Variants in ZNF461 observed in about 807,000 individuals in gnomAD.
The protein encoded by ZNF461 is zinc finger protein 461, also known as gonadotropin-inducible ovarian transcription factor-1.
In ZNF461, 16 loss-of-function variants were observed where a neutral mutation model predicts 18.3. The ratio of observed to expected loss-of-function variants is 0.88; its 90% CI spans 0.59 to 1.33. The LOEUF is 1.33. ZNF461 is among the 40% of genes most tolerant of loss of function. The pLI is 0.00. For synonymous variants in ZNF461, 179 were observed against 216.9 expected (o/e 0.83, Z 1.54); for missense variants, 595 against 669.9 (o/e 0.89, Z 1.23).
At chr19:36,640,076 T>C in intron 5 of ZNF461, 33 bp from the exon 6 acceptor site, 5 of 1,527,064 alleles carry the variant, frequency 3.3e-6, no homozygotes, top group Non-Finnish European at 4.4e-6. Context: ...TAACTCCTGG[T>C]TTTGTACTAT....
chr19:36,645,877 C>T (rs573249833), intron 4 of ZNF461, among the ~76,000 whole-genome samples: 179 of 152,272 alleles, frequency 1.2e-3, no homozygotes, highest in Non-Finnish European at 2.2e-3. Context: ...CTCCACCACC[C>T]GGGTTCAAGC....
At chr19:36,641,772 T>TC (rs1448039945) in intron 5 of ZNF461, among the ~76,000 whole-genome samples, 1 of 152,040 alleles carries the variant, frequency 6.6e-6, no homozygotes, top group Non-Finnish European at 1.5e-5. Context: ...TGAACATCTC[T>TC]CCATGCTTCT....
intron 4 of ZNF461, 85 bp downstream of exon 4, chr19:36,656,363 G>C (rs1345218396): frequency 1.8e-6 from 2 of 1,085,398 alleles, no homozygotes; most frequent in East Asian, 4.7e-5. Context: ...TTTTCCCAAA[G>C]TTTGGTTTAA....
chr19:36,640,394 G>C (rs2037403669), intron 5 of ZNF461, among the ~76,000 whole-genome samples: 1 of 152,146 alleles, frequency 6.6e-6, no homozygotes, highest in Admixed American at 6.6e-5. Flanking sequence ...ACACTATCAG[G>C]CCAAAGGTTT....
At chr19:36,655,097 C>T (rs1386649311) in intron 4 of ZNF461, among the ~76,000 whole-genome samples, 1 of 152,162 alleles carries the variant, frequency 6.6e-6, no homozygotes, top group East Asian at 1.9e-4. Flanking sequence ...CAAGTGATCT[C>T]CCACCTCAGT....
In ZNF461 at chr19:36,637,801, C is replaced by A. The variant is rs192689429; in HGVS notation, c.*852G>T. ...ATTTATGAAATTTACATGAAATATT[C>A]CCGTTAGAATAAAAGGAAACTGATA... On this transcript the variant is annotated 3_prime_UTR_variant, in exon 6 of 6. Transcript: ENST00000588268. 4.7e-6 allele frequency: 2 copies of A among 426,686 alleles called. No homozygotes were observed. The highest frequency in any genetic ancestry group is 5.3e-5 in the Admixed American group (2 of 37,500). The allele number at this position is 426,686 out of a possible 1,614,324, so 26.4% of individuals were successfully genotyped here.
chr19:36,659,639 C>A (rs568494500), intron 2 of ZNF461, among the ~76,000 whole-genome samples: 3 of 152,172 alleles, frequency 2.0e-5, no homozygotes, highest in Non-Finnish European at 4.4e-5. Flanking sequence ...TGAACAAAAT[C>A]TCTACGGTAT....
At chr19:36,648,082 G>A (rs2037559872) in intron 4 of ZNF461, among the ~76,000 whole-genome samples, 1 of 152,148 alleles carries the variant, frequency 6.6e-6, no homozygotes, top group Non-Finnish European at 1.5e-5. Context: ...TCGGGAGGCT[G>A]AGGCAGGAGA....
chr19:36,664,679 C>A lies in ZNF461; in HGVS notation c.9+19G>T. ...AAAAATCAAGTATTGTAATTAGGAG[C>A]AAGAAAAAACCAACTTACATGGGCC... On this transcript the variant is annotated intron_variant, in intron 2 of 5. Coordinates refer to ENST00000588268, the MANE Select transcript of ZNF461 (RefSeq NM_153257.5). 6.6e-7 allele frequency: 1 copy of A among 1,511,498 alleles called. No individual in the cohort carries two copies. Among genetic ancestry groups the A allele is most frequent in the South Asian group, 1.3e-5 (1 of 74,466 alleles). The allele number at this position is 1,511,498 out of a possible 1,614,324, so 93.6% of individuals were successfully genotyped here.
chr19:36,652,133 A>G (rs2037637435), intron 4 of ZNF461, among the ~76,000 whole-genome samples: 1 of 152,192 alleles, frequency 6.6e-6, no homozygotes, highest in Admixed American at 6.5e-5. Context: ...ACCTTGATCT[A>G]AATTTCACAA....
intron 5 of ZNF461, among the ~76,000 whole-genome samples, chr19:36,641,541 T>A (rs889766260): frequency 2.1e-5 from 3 of 142,664 alleles, no homozygotes; most frequent in South Asian, 2.2e-4. Context: ...AACAACAAAA[T>A]ATATATATAT....
Position 36,658,329 on chromosome 19 carries a change from A to G in ZNF461, c.106T>C (p.Leu36=), listed in dbSNP as rs778206903. 1 of 1,610,402 alleles carries G rather than the reference A, an allele frequency of 6.2e-7. No individual in the cohort carries two copies. The highest frequency in any genetic ancestry group is 2.2e-5 in the East Asian group (1 of 44,790). ...AQRNLYKEVM[L]ENYSNLVSLG... The stretch of plus-strand genomic sequence containing the variant: ...GACACCAAGTTGCTATAATTCTCCA[A>G]CATCACCTCCTTGTACAAATTCCTC... Residue 36 remains leucine, a synonymous_variant, in exon 3 of 6, where the codon TTG becomes CTG. Transcript: ENST00000588268.
chr19:36,652,781 G>T (rs981505365), intron 4 of ZNF461, among the ~76,000 whole-genome samples: 1 of 152,046 alleles, frequency 6.6e-6, no homozygotes, highest in Non-Finnish European at 1.5e-5. Context: ...CGCTCTTCAC[G>T]ATAAACCTTG....
chr19:36,660,743 A>G (rs2037804778), intron 2 of ZNF461, among the ~76,000 whole-genome samples: 2 of 151,876 alleles, frequency 1.3e-5, no homozygotes, highest in Non-Finnish European at 2.9e-5. Flanking sequence ...ATTTGTCACC[A>G]GAACACCTAT....
chr19:36,645,662 C>T (rs2037513249), intron 4 of ZNF461, among the ~76,000 whole-genome samples: 1 of 151,834 alleles, frequency 6.6e-6, no homozygotes, highest in African/African-American at 2.4e-5. Flanking sequence ...TTTGTGGTAA[C>T]AAAAAAACAT....
chr19:36,647,343 C>T (rs932292219), intron 4 of ZNF461, among the ~76,000 whole-genome samples: 1 of 152,118 alleles, frequency 6.6e-6, no homozygotes, highest in Admixed American at 6.6e-5. Flanking sequence ...AGTTTGAGAC[C>T]TGCCTGGCCA....
Position 36,639,033 on chromosome 19 carries a change from C to A in ZNF461, c.1312G>T (p.Glu438Ter). ...LTLHQRIHTG[E>*]KPYECKECGK... Reference sequence around the variant, plus strand: ...CATTCCTTACACTCATAGGGTTTCTCACCAGTATGAATCCTCTGATGTAGG... The same window carrying A: ...CATTCCTTACACTCATAGGGTTTCTAACCAGTATGAATCCTCTGATGTAGG... Residue 438 changes from glutamate (E) to a stop codon, truncating the protein, a stop_gained, in exon 6 of 6, where the codon GAG becomes TAG. Transcript: ENST00000588268. LOFTEE classifies it low-confidence loss of function (END_TRUNC). 1 of 1,613,984 alleles carries A rather than the reference C, an allele frequency of 6.2e-7. No homozygotes were observed. The highest frequency in any genetic ancestry group is 8.5e-7 in the Non-Finnish European group (1 of 1,179,994).
At chr19:36,665,984 G>C (rs1209797523) in intron 1 of ZNF461, among the ~76,000 whole-genome samples, 1 of 152,086 alleles carries the variant, frequency 6.6e-6, no homozygotes, top group East Asian at 1.9e-4. Flanking sequence ...GCACAGGAGC[G>C]GGGTGAGGTG....
chr19:36,646,488 T>TTAAG (rs1268952137), intron 4 of ZNF461, among the ~76,000 whole-genome samples: 2 of 152,160 alleles, frequency 1.3e-5, no homozygotes, highest in African/African-American at 2.4e-5. Context: ...AGCTTCCAAA[T>TTAAG]ACTTAAAGAC....
Sources: allele counts gnomAD v4.1 joint callset (sites outside exome capture counted in the v4.1 genomes callset), GRCh38; gene constraint gnomAD v4.1.1; transcripts MANE v1.5; gene names NCBI Gene and HGNC (gene_info 2026-07-23, HGNC 2026-07-21).